Variants in ATMIN observed in about 807,000 individuals in gnomAD.
ATMIN encodes ATM interactor, also known as ATM INteracting protein.
Under a neutral mutation model 49.2 loss-of-function variants are expected in ATMIN, and 24 were observed. The observed-to-expected ratio is 0.49, with a 90% CI of 0.35 to 0.69. The LOEUF (loss-of-function observed/expected upper bound fraction) is 0.69. ATMIN is among the 30% of genes least tolerant of loss of function. The pLI, the probability that ATMIN is intolerant of heterozygous loss-of-function variation, is 0.00. For missense variants in ATMIN, 1,037 were observed against 1,005.5 expected, an observed-to-expected ratio of 1.03 and a Z score of -0.42; for synonymous variants, 450 against 392.5, an observed-to-expected ratio of 1.15 and a Z score of -1.73.
chr16:81,044,978 G>A lies in ATMIN; in HGVS notation c.*8G>A, dbSNP rs781040829. 32 of 1,606,280 alleles carry A rather than the reference G, an allele frequency of 2.0e-5. No homozygotes were observed. Among genetic ancestry groups the A allele is most frequent in the Admixed American group, 8.4e-5 (5 of 59,238 alleles). ...ACAGTCTCCAACTTCTAAAACTAACGGTGGAGTCCATGTGTGAAATGGCAT... is the reference window on the plus strand; with the variant it reads ...ACAGTCTCCAACTTCTAAAACTAACAGTGGAGTCCATGTGTGAAATGGCAT... On this transcript the variant is annotated 3_prime_UTR_variant, in exon 4 of 4. Transcript: ENST00000299575.
In ATMIN at chr16:81,044,268, A is replaced by G. The variant is rs201370892; in HGVS notation, c.1770A>G (p.Leu590=). 2,698 of 1,614,154 alleles carry G rather than the reference A, an allele frequency of 1.7e-3. 55 individuals are homozygous for G. In the South Asian group the frequency reaches 0.023, roughly 14 times the overall value. ...MTDNQTQTID[L]LSDLENILSS... ...ATAATCAGACCCAAACCATAGATTT[A>G]TTAAGTGATTTGGAAAACATCTTGT... Residue 590 remains leucine (L), a synonymous_variant, in exon 4 of 4, where the codon TTA becomes TTG. Coordinates refer to ENST00000299575, the MANE Select transcript of ATMIN (RefSeq NM_015251.3).
chr16:81,036,205 A>G lies in ATMIN; in HGVS notation c.335A>G (p.Gln112Arg). The change falls in exon 1 of 4, where the codon CAG becomes CGG. Residue 112 changes from glutamine to arginine, a missense_variant and splice_region_variant. Transcript: ENST00000299575. ...NMHLVKSHRL[Q>R]DGIVNPTIRK... is the part of the protein sequence containing the mutation. The stretch of plus-strand genomic sequence containing the variant: ...CACCTAGTCAAGAGCCACCGCCTGC[A>G]GGTGAGCCCGACGCGGCCGGCGGCC... 7.0e-7 allele frequency: 1 copy of G among 1,422,554 alleles called. No homozygotes were observed. The highest frequency in any genetic ancestry group is 2.7e-4 in the Middle Eastern group (1 of 3,764). The allele number at this position is 1,422,554 out of a possible 1,614,324, so 88.1% of individuals were successfully genotyped here.
Position 81,035,989 on chromosome 16 carries a change from C to G in ATMIN, c.119C>G (p.Pro40Arg). ...GCCGCCTCGGGCCCGTGGGTGCCCC[C>G]GGGACCCCGACTGAGGGGCAGCCGG... ...AAAASGPWVP[P>R]GPRLRGSRPR... The change falls in exon 1 of 4, where the codon CCG becomes CGG. Residue 40 changes from proline (P) to arginine (R), a missense_variant. Physicochemically the swap from Pro to Arg is moderately radical, Grantham distance 103. Coordinates refer to ENST00000299575, the MANE Select transcript of ATMIN (RefSeq NM_015251.3). 9.0e-7 allele frequency: 1 copy of G among 1,108,092 alleles called. No individual in the cohort carries two copies. The allele number at this position is 1,108,092 out of a possible 1,614,324, so 68.6% of individuals were successfully genotyped here.
At chr16:81,038,394 G>A (rs1362447911) in intron 1 of ATMIN, among the ~76,000 whole-genome samples, 1 of 152,084 alleles carries the variant, frequency 6.6e-6, no homozygotes, top group African/African-American at 2.4e-5. Context: ...GCCTCCTAAA[G>A]GGCTGGGATT....
Position 81,036,136 on chromosome 16 carries a change from G to A in ATMIN, c.266G>A (p.Arg89His). The change falls in exon 1 of 4, where the codon CGC becomes CAC. Residue 89 changes from arginine to histidine, a missense_variant. Transcript: ENST00000299575. ...AVRTNILCTV[R>H]GCGKILPNSP... ...CGGACCAACATCCTGTGCACCGTGCGCGGCTGCGGCAAGATCCTGCCCAAC... is the reference window on the plus strand; with the variant it reads ...CGGACCAACATCCTGTGCACCGTGCACGGCTGCGGCAAGATCCTGCCCAAC... 8 of 1,464,716 alleles carry A rather than the reference G, an allele frequency of 5.5e-6. No homozygotes were observed. Among genetic ancestry groups the A allele is most frequent in the Non-Finnish European group, 7.3e-6 (8 of 1,100,676 alleles). The allele number at this position is 1,464,716 out of a possible 1,614,324, so 90.7% of individuals were successfully genotyped here. A position where few individuals can be genotyped will look rare whatever the true frequency, so the allele number is the denominator to read the frequency against.
At chr16:81,036,282 C>T in intron 1 of ATMIN, 76 bp downstream of exon 1, 2 of 1,140,188 alleles carry the variant, frequency 1.8e-6, no homozygotes, top group South Asian at 3.7e-5. Flanking sequence ...CGCGCGAAGC[C>T]GGCCTCGGGG....
Position 81,045,075 on chromosome 16 carries a change from T to C in ATMIN, c.*105T>C. On this transcript the variant is annotated 3_prime_UTR_variant, in exon 4 of 4. Coordinates refer to ENST00000299575, the MANE Select transcript of ATMIN (RefSeq NM_015251.3). ...TAATTCGATTGAATGTGGCTGATGA[T>C]GCAGTTGCTTAGCTTCTTTGTGTTT... 1 of 1,420,112 alleles carries C rather than the reference T, an allele frequency of 7.0e-7. No individual in the cohort carries two copies. The highest frequency in any genetic ancestry group is 1.4e-5 in the African/African-American group (1 of 69,870). 88.0% of individuals were successfully genotyped at this position (1,420,112 alleles called of 1,614,324 possible).
In ATMIN at chr16:81,043,878, G is replaced by C; in HGVS notation, c.1380G>C (p.Gln460His). 1 of 1,614,166 alleles carries C rather than the reference G, an allele frequency of 6.2e-7. No homozygotes were observed. The highest frequency in any genetic ancestry group is 2.2e-5 in the East Asian group (1 of 44,882). ...CTCTTCCCATTAGTGTTCACACTCA[G>C]ACATTTTTGCCCAGCTCTAAGGTAA... ...QVSLPISVHT[Q>H]TFLPSSKVTS... Residue 460 changes from glutamine (Q) to histidine (H), a missense_variant, in exon 4 of 4, where the codon CAG (glutamine) becomes CAC (histidine). Gln to His is a conservative substitution (Grantham distance 24, BLOSUM62 0). Transcript: ENST00000299575.
rs764324952 is a variant in ATMIN at position 81,044,199 on chromosome 16, T to C, written c.1701T>C (p.Asn567=). Residue 567 remains asparagine (N), a synonymous_variant, in exon 4 of 4, where the codon AAT becomes AAC. Transcript: ENST00000299575. ...QDIEKSAPII[N]FSAQNSMLPS... is the part of the protein sequence containing the mutation. ...TTGAGAAATCTGCACCAATTATAAA[T>C]TTCAGTGCACAGAATAGTATGCTTC... 1 of 1,614,126 alleles carries C rather than the reference T, an allele frequency of 6.2e-7. No individual in the cohort carries two copies. Among genetic ancestry groups the C allele is most frequent in the Non-Finnish European group, 8.5e-7 (1 of 1,179,986 alleles).
intron 1 of ATMIN, 140 bp downstream of exon 1, chr16:81,036,346 C>A: frequency 7.0e-6 from 6 of 860,984 alleles, no homozygotes; most frequent in Non-Finnish European, 7.1e-6. Context: ...CTCTGCCCTC[C>A]CCGGCCGGAG....
intron 1 of ATMIN, among the ~76,000 whole-genome samples, chr16:81,040,128 T>A (rs1191033595): frequency 6.6e-6 from 1 of 152,226 alleles, no homozygotes; most frequent in African/African-American, 2.4e-5. Flanking sequence ...TCTTTTCAGT[T>A]ATGCGCACAA....
intron 1 of ATMIN, among the ~76,000 whole-genome samples, chr16:81,036,714 G>A (rs1178216884): frequency 6.6e-6 from 1 of 152,158 alleles, no homozygotes; most frequent in Non-Finnish European, 1.5e-5. Flanking sequence ...ATAACTAGAA[G>A]AGAGGGTTTT....
intron 1 of ATMIN, among the ~76,000 whole-genome samples, chr16:81,038,163 C>G (rs931958183): frequency 6.6e-6 from 1 of 151,994 alleles, no homozygotes; most frequent in African/African-American, 2.4e-5. Flanking sequence ...CAGAGTCTCA[C>G]TCTGTCGCCC....
rs1393509689 is a variant in ATMIN at position 81,042,317 on chromosome 16, T to A, written c.499T>A (p.Cys167Ser). The A allele has an allele frequency of 6.2e-7, 1 of 1,613,836 alleles. No homozygotes were observed. The highest frequency in any genetic ancestry group is 1.7e-5 in the Admixed American group (1 of 60,000). The change falls in exon 3 of 4, where the codon TGT becomes AGT. Residue 167 changes from cysteine (C) to serine (S), a missense_variant. Physicochemically the swap from Cys to Ser is moderately radical, Grantham distance 112. Transcript: ENST00000299575. ...MKMHAEKKHK[C>S]SKCSNSYGTE... ...AATGCATGCTGAGAAGAAGCACAAA[T>A]GTAGTAAGTGCAGCAATTCGTACGG...
intron 1 of ATMIN, among the ~76,000 whole-genome samples, chr16:81,038,527 A>C (rs1970985062): frequency 6.6e-6 from 1 of 152,042 alleles, no homozygotes; most frequent in Admixed American, 6.5e-5. Context: ...CTGGCTTTCT[A>C]ACCGCAGTGC....
At chr16:81,038,853 TG>T (rs1970991131) in intron 1 of ATMIN, among the ~76,000 whole-genome samples, 1 of 152,310 alleles carries the variant, frequency 6.6e-6, no homozygotes, top group Non-Finnish European at 1.5e-5. Flanking sequence ...TGGAGTGCAG[TG>T]GCATGATCTC....
intron 1 of ATMIN, among the ~76,000 whole-genome samples, chr16:81,038,288 G>A (rs1363214371): frequency 2.0e-5 from 3 of 151,850 alleles, no homozygotes; most frequent in African/African-American, 7.3e-5. Flanking sequence ...ATACCACCAC[G>A]CCCAGCTAAT....
rs755910290 is a variant in ATMIN, at chr16:81,041,409, C to T, written c.390C>T (p.Phe130=). Residue 130 remains phenylalanine, a synonymous_variant, in exon 2 of 4, where the codon TTC becomes TTT. Coordinates refer to ENST00000299575, the MANE Select transcript of ATMIN (RefSeq NM_015251.3). ...IRKDLKTGPK[F]YCCPIEGCPR... is the part of the protein sequence containing the mutation. ...AAGATTTGAAAACTGGACCGAAATTCTACTGCTGTCCAATTGAAGGCTGCC... is the reference window on the plus strand; with the variant it reads ...AAGATTTGAAAACTGGACCGAAATTTTACTGCTGTCCAATTGAAGGCTGCC... The T allele has an allele frequency of 6.2e-7, 1 of 1,613,934 alleles. No individual in the cohort carries two copies. The highest frequency in any genetic ancestry group is 1.7e-5 in the Admixed American group (1 of 59,974).
intron 1 of ATMIN, among the ~76,000 whole-genome samples, chr16:81,038,758 C>T (rs1207294558): frequency 1.3e-5 from 2 of 152,152 alleles, no homozygotes; most frequent in Admixed American, 6.5e-5. Flanking sequence ...GTAGCTGAGA[C>T]TATAGGCTCC....
Sources: allele counts gnomAD v4.1 joint callset (sites outside exome capture counted in the v4.1 genomes callset), GRCh38; gene constraint gnomAD v4.1.1; transcripts MANE v1.5; gene names NCBI Gene and HGNC (gene_info 2026-07-23, HGNC 2026-07-21).